The following PPEF1 variants were observed in gnomAD, a reference collection of about 807,000 sequenced individuals.
PPEF1 encodes serine/threonine-protein phosphatase with EF-hands 1.
Under a neutral mutation model 53.3 loss-of-function variants are expected in PPEF1, and 12 were observed. The observed-to-expected ratio is 0.23, with a 90% CI of 0.14 to 0.36. PPEF1 has a LOEUF of 0.36. PPEF1 is among the 10% of genes least tolerant of loss of function. The probability of loss-of-function intolerance (pLI) is 1.00; values close to 1 mark genes in which losing one functional copy is unlikely to be tolerated. For missense variants in PPEF1, 334 were observed against 490.4 expected (o/e 0.68, Z 3.01); for synonymous variants, 165 against 176.7 (o/e 0.93, Z 0.52).
At position 18,676,131 on chromosome X, in the gene PPEF1, G is replaced by A. The variant is rs1217725486; in HGVS notation, c.-587+1G>A. On this transcript the variant is annotated splice_donor_variant, in intron 1 of 20. Transcript: ENST00000689646. LOFTEE classifies it low-confidence loss of function (5UTR_SPLICE). ...TGGGAAGGCCTCTGGAAGAAACCAGGTGGGTGCAGGGAACACTAAGGTGGG... is the reference window on the plus strand; with the variant it reads ...TGGGAAGGCCTCTGGAAGAAACCAGATGGGTGCAGGGAACACTAAGGTGGG... 1.8e-5 allele frequency: 2 copies of A among 110,908 alleles called. No individual in the cohort carries two copies. Among genetic ancestry groups the A allele is most frequent in the African/African-American group, 6.6e-5 (2 of 30,359 alleles). 9.1% of individuals were successfully genotyped at this position (110,908 alleles called of 1,213,427 possible).
intron 12 of PPEF1, among the ~76,000 whole-genome samples, chrX:18,809,910 A>T (rs143547205): frequency 0.027 from 2,992 of 111,583 alleles, 41 homozygotes; most frequent in Non-Finnish European, 0.042. Context: ...AGCTGAACTC[A>T]TAGAAACAGA....
chrX:18,733,850 T>C (rs768172695), intron 3 of PPEF1, 42 bp downstream of exon 3: 61 of 1,018,307 alleles, frequency 6.0e-5, no homozygotes, highest in African/African-American at 7.7e-5. Flanking sequence ...TCATTAAATA[T>C]TGAATTGTCT....
chrX:18,694,887 ATC>A (rs1275522240), intron 4 of PPEF1, among the ~76,000 whole-genome samples: 1 of 112,098 alleles, frequency 8.9e-6, no homozygotes, highest in African/African-American at 3.2e-5. Flanking sequence ...TCAAACTCTG[ATC>A]TGTTTCCTTC....
In PPEF1 at chrX:18,817,068, A is replaced by ATG. The variant is rs72334387; in HGVS notation, c.1395-935_1395-934dup. Among the ~76,000 whole-genome samples, 443 of 100,089 alleles carry ATG rather than the reference A, an allele frequency of 4.4e-3. 3 individuals carry two copies. Among genetic ancestry groups the ATG allele is most frequent in the South Asian group, 0.023 (48 of 2,047 alleles). The allele number at this position is 100,089 out of a possible 115,157, so 86.9% of individuals were successfully genotyped here. On this transcript the variant is annotated intron_variant, in intron 12 of 15. Transcript: ENST00000470157. ...CTGGATTTACATCTATCATTTTGCCATGTGTGTGTGTGTGTGTGTGTGTGT... is the reference window on the plus strand; with the variant it reads ...CTGGATTTACATCTATCATTTTGCCATGTGTGTGTGTGTGTGTGTGTGTGTGT...
chrX:18,811,607 ATATATATATTTTTTTTTTT>A (rs1334923606), intron 12 of PPEF1, among the ~76,000 whole-genome samples: 1 of 17,099 alleles, frequency 5.8e-5, no homozygotes, highest in African/African-American at 2.3e-4. Flanking sequence ...ATATATATAT[ATATATATATTTTTTTTTTT>A]TTTTTTTTTG....
chrX:18,721,488 G>A (rs1247044751), intron 1 of PPEF1, among the ~76,000 whole-genome samples: 1 of 111,463 alleles, frequency 9.0e-6, no homozygotes, highest in Non-Finnish European at 1.9e-5. Flanking sequence ...TAGGTGGGCT[G>A]CAGCAATGGC....
At position 18,783,937 on chromosome X, in the gene PPEF1, C is replaced by A. The variant is rs1413170661; in HGVS notation, c.801C>A (p.Phe267Leu). ...GAATCTTACAAATCTTGGAAGAATT[C>A]TATGCCTGGCTCCCAATCGGTACAA... Reference protein sequence around the residue: ...GKRILQILEEFYAWLPIGTIV... With the variant: ...GKRILQILEELYAWLPIGTIV... Residue 267 changes from phenylalanine (F) to leucine (L), a missense_variant, in exon 9 of 16, where the codon TTC (phenylalanine) becomes TTA (leucine). Phe to Leu is a conservative substitution (Grantham distance 22). Coordinates refer to ENST00000470157, the MANE Select transcript of PPEF1 (RefSeq NM_001377996.1). 4.1e-6 allele frequency: 5 copies of A among 1,207,988 alleles called. No individual in the cohort carries two copies. In the Admixed American group the frequency reaches 6.6e-5, roughly 16 times the overall value.
intron 4 of PPEF1, among the ~76,000 whole-genome samples, chrX:18,696,577 G>A (rs1602349621): frequency 1.8e-5 from 2 of 111,834 alleles, no homozygotes; most frequent in African/African-American, 6.5e-5. Flanking sequence ...AATATACATG[G>A]AAATAGAAAA....
At position 18,770,784 on chromosome X, in the gene PPEF1, G is replaced by A. The variant is rs190619062; in HGVS notation, c.559-8226G>A. Among the ~76,000 whole-genome samples the A allele has an allele frequency of 4.6e-3, 514 of 112,412 alleles. 1 individual carries two copies. The highest frequency in any genetic ancestry group is 7.4e-3 in the Non-Finnish European group (393 of 53,215). ...TTTTAATACAAGAAAATCTGTCATC[G>A]CAATAGAAAGTGTGTTTACCATTCA... is the stretch of plus-strand genomic sequence containing the variant. On this transcript the variant is annotated intron_variant, in intron 6 of 15. Transcript: ENST00000470157.
chrX:18,779,278 G>T, intron 7 of PPEF1, 102 bp downstream of exon 7: 1 of 758,063 alleles, frequency 1.3e-6, no homozygotes, highest in Non-Finnish European at 1.8e-6. Context: ...TATTGGAAGA[G>T]GGATGAGGGG....
At chrX:18,685,697 A>G (rs1180189254) in intron 2 of PPEF1, among the ~76,000 whole-genome samples, 11 of 108,101 alleles carry the variant, frequency 1.0e-4, no homozygotes, top group Admixed American at 4.0e-4. Flanking sequence ...AAAAAAAAAA[A>G]AAAAAAGAAA....
chrX:18,680,565 A>T (rs1182637165), upstream of PPEF1, among the ~76,000 whole-genome samples: 1 of 107,274 alleles, frequency 9.3e-6, no homozygotes, highest in African/African-American at 3.4e-5. Context: ...AGTAGCTGGG[A>T]CTATAGGCAC....
At chrX:18,681,785 A>G (rs1928892260), upstream of PPEF1, among the ~76,000 whole-genome samples, 1 of 111,416 alleles carries the variant, frequency 9.0e-6, no homozygotes, top group Non-Finnish European at 1.9e-5. Context: ...CTTCCAAGCA[A>G]AAGTGTAAGA....
intron 6 of PPEF1, among the ~76,000 whole-genome samples, chrX:18,777,311 A>G (rs1230784438): frequency 3.6e-5 from 4 of 112,322 alleles, no homozygotes; most frequent in Non-Finnish European, 5.6e-5. Context: ...AAATTTTTTC[A>G]ATTATTTCTA....
rs757703867 is a variant in PPEF1 at position 18,805,674 on chromosome X, C to T, written c.1252-729C>T. On this transcript the variant is annotated intron_variant, in intron 11 of 15. Coordinates refer to ENST00000470157, the MANE Select transcript of PPEF1 (RefSeq NM_001377996.1). The stretch of plus-strand genomic sequence containing the variant: ...CCTGGTCAACATGGTAAGACCCTGT[C>T]TCTACTAAAAATACAAAAATTAGCT... Among the ~76,000 whole-genome samples the T allele has an allele frequency of 2.7e-5, 3 of 109,135 alleles. No homozygotes were observed. The South Asian group carries it at 1.2e-3, about 44-fold the overall frequency. The allele number at this position is 109,135 out of a possible 115,157, so 94.8% of individuals were successfully genotyped here.
chrX:18,754,711 C>A (rs945603347), intron 4 of PPEF1, among the ~76,000 whole-genome samples: 6 of 111,851 alleles, frequency 5.4e-5, no homozygotes, highest in African/African-American at 1.6e-4. Flanking sequence ...AATCCTCCCC[C>A]CTCAGCCTCT....
rs374711672 is a variant in PPEF1 at position 18,742,708 on chromosome X, GTGTGTTGGTGCACGCC to G, written c.236-7080_236-7065del. Among the ~76,000 whole-genome samples the G allele has an allele frequency of 2.3e-3, 251 of 110,697 alleles. 2 individuals carry two copies. Among genetic ancestry groups the G allele is most frequent in the African/African-American group, 7.8e-3 (238 of 30,481 alleles). On this transcript the variant is annotated intron_variant, in intron 3 of 15. Transcript: ENST00000470157. ...TAGTAAAAATACAAAAATTAGCTGG[GTGTGTTGGTGCACGCC>G]TGTAATCCCATCTACTCAGGAGACT...
chrX:18,724,424 C>T lies in PPEF1; in HGVS notation c.47-5757C>T, dbSNP rs138188762. 4.6e-3 allele frequency among the ~76,000 whole-genome samples: 518 copies of T among 111,690 alleles called. 5 individuals are homozygous for T. Among genetic ancestry groups the T allele is most frequent in the African/African-American group, 0.016 (483 of 30,778 alleles). On this transcript the variant is annotated intron_variant, in intron 1 of 15. Coordinates refer to ENST00000470157, the MANE Select transcript of PPEF1 (RefSeq NM_001377996.1). ...CCGTACATGACTATTTAATTTCTTG[C>T]AAGATACCATGATAGTGATTGCCAC...
upstream of PPEF1, among the ~76,000 whole-genome samples, chrX:18,682,737 G>T (rs923201674): frequency 8.9e-6 from 1 of 112,021 alleles, no homozygotes; most frequent in Non-Finnish European, 1.9e-5. Flanking sequence ...GTGGCTAACG[G>T]TGGTGCCCTG....
Sources: allele counts gnomAD v4.1 joint callset (sites outside exome capture counted in the v4.1 genomes callset), GRCh38; gene constraint gnomAD v4.1.1; transcripts MANE v1.5; gene names NCBI Gene and HGNC (gene_info 2026-07-23, HGNC 2026-07-21).